MBD1: variants seen among roughly 807,000 people sequenced by gnomAD.
The protein encoded by MBD1 is methyl-CpG-binding domain protein 1.
MBD1 carries 25 observed loss-of-function variants against 82.6 expected under a neutral mutation model. The ratio of observed to expected loss-of-function variants is 0.30; its 90% CI spans 0.22 to 0.42. MBD1 has a LOEUF of 0.42. MBD1 is among the 10% of genes least tolerant of loss of function. MBD1 has a pLI of 1.00. For missense variants in MBD1, 627 were observed against 819.6 expected (o/e 0.76, Z 2.87); for synonymous variants, 301 against 303.7 (o/e 0.99, Z 0.09).
chr18:50,277,181 C>G lies in MBD1; in HGVS notation c.134G>C (p.Ser45Thr). The G allele has an allele frequency of 6.2e-7, 1 of 1,614,140 alleles. No individual in the cohort carries two copies. The highest frequency in any genetic ancestry group is 8.5e-7 in the Non-Finnish European group (1 of 1,180,016). The change falls in exon 3 of 17, where the codon AGC (serine) becomes ACC (threonine). Residue 45 changes from serine (S) to threonine (T), a missense_variant. Transcript: ENST00000269468. ...YQSPTGDRIR[S>T]KVELTRYLGP... is the part of the protein sequence containing the mutation. ...CAGGTATCGAGTCAGCTCAACTTTG[C>G]TTCGGATCCTGTCTCCTGTGGGGCT...
At position 50,276,951 on chromosome 18, in the gene MBD1, C is replaced by G. The variant is rs533821841; in HGVS notation, c.273G>C (p.Arg91Ser). ...VASKKRKKPS[R>S]PAKTRKRQVG... ...CCTGACGTTTCCGAGTCTTGGCTGG[C>G]CTTGAAGGCTTCTTTCGCTTCTTGC... The change falls in exon 4 of 17, where the codon AGG becomes AGC. Residue 91 changes from arginine to serine, a missense_variant. Coordinates refer to ENST00000269468, the MANE Select transcript of MBD1 (RefSeq NM_015846.4). 1 of 1,614,216 alleles carries G rather than the reference C, an allele frequency of 6.2e-7. No homozygotes were observed. The highest frequency in any genetic ancestry group is 1.1e-5 in the South Asian group (1 of 91,082).
In MBD1 at chr18:50,275,737, G is replaced by A. The variant is rs138191674; in HGVS notation, c.664-9C>T. 36,065 of 1,614,038 alleles carry A rather than the reference G, an allele frequency of 0.022. 472 individuals carry two copies. The highest frequency in any genetic ancestry group is 0.026 in the Non-Finnish European group (30,687 of 1,179,998). Reference sequence around the variant, plus strand: ...ACTCCACACCCTCGGCTCTGTTGGCGGGGGGCAGGTGGGAGCAGAGGCATG... The same window carrying A: ...ACTCCACACCCTCGGCTCTGTTGGCAGGGGGCAGGTGGGAGCAGAGGCATG... On this transcript the variant is annotated splice_polypyrimidine_tract_variant and intron_variant, in intron 7 of 16. Transcript: ENST00000269468.
intron 2 of MBD1, among the ~76,000 whole-genome samples, chr18:50,277,956 A>G (rs2038702210): frequency 6.6e-6 from 1 of 152,238 alleles, no homozygotes. Context: ...ACTGGCACAA[A>G]AATAGTAATA....
downstream of MBD1, among the ~76,000 whole-genome samples, chr18:50,267,903 C>G (rs1417655739): frequency 6.6e-6 from 1 of 152,246 alleles, no homozygotes; most frequent in African/African-American, 2.4e-5. Context: ...AATTCCATTT[C>G]CTGAATTGCT....
In MBD1 at chr18:50,275,372, T is replaced by A. The variant is rs751669391; in HGVS notation, c.793-127A>T. The A allele has an allele frequency of 1.3e-5, 21 of 1,610,944 alleles. No individual in the cohort carries two copies. The East Asian group carries it at 2.7e-4, about 21-fold the overall frequency. On this transcript the variant is annotated intron_variant, in intron 8 of 16. Transcript: ENST00000269468. The stretch of plus-strand genomic sequence containing the variant: ...AGAGGGTGGCGTGAGGCACTCACAG[T>A]TGGGGGAGCCACAGCCAGGGGAGTG...
Position 50,269,620 on chromosome 18 carries a change from G to T in MBD1, c.*231C>A. The stretch of plus-strand genomic sequence containing the variant: ...TTCAGCTTCTCTAATTCCTGGGCCA[G>T]ATGCATATTTAACTCTGTGAGGAAG... On this transcript the variant is annotated 3_prime_UTR_variant, in exon 17 of 17. Coordinates refer to ENST00000269468, the MANE Select transcript of MBD1 (RefSeq NM_015846.4). The T allele has an allele frequency of 1.4e-6, 1 of 722,790 alleles. No individual in the cohort carries two copies. Among genetic ancestry groups the T allele is most frequent in the Non-Finnish European group, 2.6e-6 (1 of 386,914 alleles). 44.8% of individuals were successfully genotyped at this position (722,790 alleles called of 1,614,324 possible).
chr18:50,270,397 C>A, intron 16 of MBD1: 3 of 513,410 alleles, frequency 5.8e-6, no homozygotes, highest in South Asian at 4.8e-5. Flanking sequence ...TGAGGTAGGG[C>A]TGAGCCAAGA....
In MBD1 at chr18:50,274,352, T is replaced by C; in HGVS notation, c.980A>G (p.Gln327Arg). The C allele has an allele frequency of 1.9e-6, 3 of 1,611,916 alleles. No individual in the cohort carries two copies. Among genetic ancestry groups the C allele is most frequent in the Non-Finnish European group, 2.5e-6 (3 of 1,179,356 alleles). ...IYYCVDEDEL[Q>R]PYTNRRQNRK... The stretch of plus-strand genomic sequence containing the variant: ...GTTCTGCCGGCGGTTCGTGTAGGGC[T>C]GCTGGGGTGGGGGGAATGGGTGGTG... The change falls in exon 11 of 17, where the codon CAG becomes CGG. Residue 327 changes from glutamine to arginine, a missense_variant and splice_region_variant. Around this residue, in one of 6 missense-constraint regions of MBD1, gnomAD observed 228 missense variants for 318.1 expected, o/e 0.72. Transcript: ENST00000269468.
chr18:50,269,388 G>A lies in MBD1; in HGVS notation c.*463C>T, dbSNP rs1284050491. On this transcript the variant is annotated 3_prime_UTR_variant, in exon 17 of 17. Transcript: ENST00000269468. ...CCGGAACTCTCTTCCAGTAAGATGG[G>A]CCACAAGAGACATTTTGCTTGATAA... 15 of 1,180,794 alleles carry A rather than the reference G, an allele frequency of 1.3e-5. No individual in the cohort carries two copies. The highest frequency in any genetic ancestry group is 1.6e-5 in the Non-Finnish European group (14 of 875,578). The allele number at this position is 1,180,794 out of a possible 1,614,324, so 73.1% of individuals were successfully genotyped here. A position where few individuals can be genotyped will look rare whatever the true frequency, so the allele number is the denominator to read the frequency against.
At chr18:50,273,155 G>A (rs1030211820) in intron 13 of MBD1, 179 bp downstream of exon 13, 45 of 1,214,996 alleles carry the variant, frequency 3.7e-5, no homozygotes, top group Admixed American at 7.9e-5. Context: ...ATAGCAAAGC[G>A]GGCAAAGCTA....
At chr18:50,274,455 A>G in intron 10 of MBD1, 102 bp from the exon 11 acceptor site, 1 of 1,300,688 alleles carries the variant, frequency 7.7e-7, no homozygotes. Context: ...GCCCCATAAG[A>G]CGGAGCTACT....
At position 50,281,418 on chromosome 18, in the gene MBD1, A is replaced by T; in HGVS notation, c.-81T>A. ...ACTCTAGGCCCGTGGACCCATGGCG[A>T]GGGTCCCTCCTGCACCTCCCGCCTC... is the stretch of plus-strand genomic sequence containing the variant. On this transcript the variant is annotated 5_prime_UTR_variant, in exon 1 of 17. Coordinates refer to ENST00000269468, the MANE Select transcript of MBD1 (RefSeq NM_015846.4). 1.6e-6 allele frequency: 1 copy of T among 628,336 alleles called. No individual in the cohort carries two copies. The highest frequency in any genetic ancestry group is 1.8e-5 in the South Asian group (1 of 54,690). The allele number at this position is 628,336 out of a possible 1,614,324, so 38.9% of individuals were successfully genotyped here. A position where few individuals can be genotyped will look rare whatever the true frequency, so the allele number is the denominator to read the frequency against.
chr18:50,270,959 A>T, intron 16 of MBD1: 2 of 845,310 alleles, frequency 2.4e-6, no homozygotes, highest in Non-Finnish European at 2.9e-6. Context: ...TTTCCCATCC[A>T]CATAAATGGA....
chr18:50,272,233 G>A (rs920391816), intron 15 of MBD1, among the ~76,000 whole-genome samples: 2 of 152,108 alleles, frequency 1.3e-5, no homozygotes, highest in African/African-American at 4.8e-5. Context: ...GCCCAGGCAA[G>A]CCCAGCACCA....
At chr18:50,273,262 C>A in intron 13 of MBD1, 72 bp downstream of exon 13, 1 of 1,589,458 alleles carries the variant, frequency 6.3e-7, no homozygotes. Context: ...AGAGAACCAT[C>A]ATGGCTCATC....
At chr18:50,268,036 AAG>A (rs1473889015), downstream of MBD1, among the ~76,000 whole-genome samples, 3 of 152,242 alleles carry the variant, frequency 2.0e-5, no homozygotes, top group Admixed American at 2.0e-4. Context: ...TGCATTTACT[AAG>A]AGTTTACGTG....
Position 50,279,940 on chromosome 18 carries a change from C to T in MBD1, c.53G>A (p.Arg18His), listed in dbSNP as rs755717520. The stretch of plus-strand genomic sequence containing the variant: ...GGCCCCTGACTTGCGAAAGACTTCG[C>T]GGCGCTTCCAGCCAGGGCCCAGGGC... ...CPALGPGWKR[R>H]EVFRKSGATC... Residue 18 changes from arginine (R) to histidine (H), a missense_variant, in exon 2 of 17, where the codon CGC becomes CAC. Physicochemically the swap from Arg to His is conservative, Grantham distance 29. Transcript: ENST00000269468. The T allele has an allele frequency of 1.2e-6, 2 of 1,613,274 alleles. No homozygotes were observed. The highest frequency in any genetic ancestry group is 1.1e-5 in the South Asian group (1 of 91,076).
chr18:50,275,751 A>G (rs2037600901), intron 7 of MBD1, 23 bp from the exon 8 acceptor site: 1 of 1,613,972 alleles, frequency 6.2e-7, no homozygotes, highest in African/African-American at 1.3e-5. Flanking sequence ...GGCAGGTGGG[A>G]GCAGAGGCAT....
At position 50,275,745 on chromosome 18, in the gene MBD1, G is replaced by A. The variant is rs2147743717; in HGVS notation, c.664-17C>T. On this transcript the variant is annotated splice_polypyrimidine_tract_variant and intron_variant, in intron 7 of 16. Coordinates refer to ENST00000269468, the MANE Select transcript of MBD1 (RefSeq NM_015846.4). ...CCCTCGGCTCTGTTGGCGGGGGGCA[G>A]GTGGGAGCAGAGGCATGAAGCATGG... 2 of 1,614,186 alleles carry A rather than the reference G, an allele frequency of 1.2e-6. No homozygotes were observed. The highest frequency in any genetic ancestry group is 4.5e-5 in the East Asian group (2 of 44,878).
Sources: gnomAD v4.1 joint callset for allele counts (sites outside exome capture counted in the v4.1 genomes callset) on GRCh38, gnomAD v4.1.1 for gene constraint, gnomAD v4.1.1 regional missense constraint, MANE v1.5 for transcripts, NCBI Gene and HGNC (gene_info 2026-07-23, HGNC 2026-07-21) for gene names.